KDM4C: variants seen among roughly 807,000 people sequenced by gnomAD.
KDM4C encodes the protein lysine demethylase 4C.
Under a neutral mutation model 129.3 loss-of-function variants are expected in KDM4C, and 81 were observed. The observed-to-expected ratio is 0.63, with a 90% confidence interval of 0.52 to 0.75. The LOEUF (loss-of-function observed/expected upper bound fraction) is 0.75. Among genes scored for constraint, KDM4C ranks in the 30% least tolerant of loss-of-function variants. KDM4C has a pLI of 0.00. For synonymous variants in KDM4C, 573 were observed against 456.1 expected (o/e 1.26, Z -3.26); for missense variants, 1,457 against 1,304.0 (o/e 1.12, Z -1.81).
chr9:6,834,436 A>T, intron 4 of KDM4C: 1 of 451,230 alleles, frequency 2.2e-6, no homozygotes, highest in Non-Finnish European at 4.3e-6. Flanking sequence ...CTGCCTGTCC[A>T]CACCCGCTAC....
chr9:6,849,399 G>A (rs1838416316), intron 4 of KDM4C, 108 bp from the exon 5 acceptor site: 8 of 842,576 alleles, frequency 9.5e-6, no homozygotes, highest in Non-Finnish European at 1.4e-5. Context: ...CAGTTAGTTA[G>A]AATATACAAT....
intron 8 of KDM4C, among the ~76,000 whole-genome samples, chr9:6,922,139 A>T (rs775459676): frequency 3.0e-4 from 46 of 152,232 alleles, no homozygotes; most frequent in Non-Finnish European, 6.6e-4. Context: ...ATGTATGATG[A>T]CAGAATGAAG....
At chr9:7,002,379 T>C (rs924175278) in intron 12 of KDM4C, among the ~76,000 whole-genome samples, 2 of 152,248 alleles carry the variant, frequency 1.3e-5, no homozygotes, top group African/African-American at 4.8e-5. Flanking sequence ...TGTTACGTTT[T>C]ATTAGTACAA....
Position 7,167,660 on chromosome 9 carries a change from G to A in KDM4C, c.2902-2138G>A, listed in dbSNP as rs772614562. On this transcript the variant is annotated intron_variant, in intron 20 of 21. Coordinates refer to ENST00000381309, the MANE Select transcript of KDM4C (RefSeq NM_015061.6). ...CTTATTCAAAATGCTAACAGTACGT[G>A]GATAATAATACGTTCAATTGTATGT... is the stretch of plus-strand genomic sequence containing the variant. Among the ~76,000 whole-genome samples, 19 of 152,300 alleles carry A rather than the reference G, an allele frequency of 1.2e-4. 1 individual carries two copies. Among genetic ancestry groups the A allele is most frequent in the Admixed American group, 2.0e-4 (3 of 15,302 alleles).
At chr9:6,893,474 C>T (rs10975876) in intron 8 of KDM4C, 4 of 305,892 alleles carry the variant, frequency 1.3e-5, no homozygotes, top group South Asian at 8.3e-5. Flanking sequence ...TAATTTGATG[C>T]GACGTGTGTT....
chr9:6,734,209 G>C lies in KDM4C; in HGVS notation c.49+13212G>C, dbSNP rs539003230. ...TTAAATGCAGCTGTCCCCAGAAAGA[G>C]ATTGATCTTTTCTAGGCTGCTACCT... On this transcript the variant is annotated intron_variant, in intron 1 of 17. Coordinates refer to the KDM4C transcript ENST00000536108. 2.7e-5 allele frequency among the ~76,000 whole-genome samples: 4 copies of C among 150,602 alleles called. No homozygotes were observed. In the East Asian group the frequency reaches 7.9e-4, roughly 30 times the overall value.
rs532414428 is a variant in KDM4C, at chr9:6,788,437, C to G, written c.-17-4535C>G. Among the ~76,000 whole-genome samples the G allele has an allele frequency of 2.8e-3, 434 of 152,292 alleles. 4 individuals carry two copies. Among genetic ancestry groups the G allele is most frequent in the African/African-American group, 9.9e-3 (411 of 41,558 alleles). ...TACCAAATGTTTCTACAAAGGTGAT[C>G]TGTGGGCTTCTACCCTGTTCTCACT... On this transcript the variant is annotated intron_variant, in intron 1 of 21. Coordinates refer to ENST00000381309, the MANE Select transcript of KDM4C (RefSeq NM_015061.6).
At chr9:6,824,286 C>T (rs924173234) in intron 4 of KDM4C, among the ~76,000 whole-genome samples, 1 of 152,204 alleles carries the variant, frequency 6.6e-6, no homozygotes, top group Non-Finnish European at 1.5e-5. Context: ...TATTCTCTAG[C>T]TCCAGTCTCT....
intron 12 of KDM4C, among the ~76,000 whole-genome samples, chr9:6,996,225 T>G (rs1223789019): frequency 2.0e-5 from 3 of 152,212 alleles, no homozygotes; most frequent in Admixed American, 1.3e-4. Context: ...AGCATTCTTA[T>G]CAGCAGCACT....
chr9:7,161,362 A>T (rs1843769618), intron 19 of KDM4C, among the ~76,000 whole-genome samples: 1 of 152,134 alleles, frequency 6.6e-6, no homozygotes, highest in Non-Finnish European at 1.5e-5. Flanking sequence ...TCCCAATGAG[A>T]TGAACCAGGT....
intron 8 of KDM4C, among the ~76,000 whole-genome samples, chr9:6,901,460 G>C (rs192651985): frequency 1.3e-5 from 2 of 152,322 alleles, no homozygotes; most frequent in East Asian, 3.9e-4. Context: ...CTGTCCTTCA[G>C]ATTCACTGTC....
chr9:7,130,996 T>G (rs1001846926), intron 19 of KDM4C, among the ~76,000 whole-genome samples: 1 of 151,750 alleles, frequency 6.6e-6, no homozygotes. Context: ...CTCAAACTCT[T>G]GGGCTCAAGT....
intron 2 of KDM4C, among the ~76,000 whole-genome samples, chr9:6,800,542 A>G (rs1051386050): frequency 5.3e-5 from 8 of 152,182 alleles, no homozygotes; most frequent in African/African-American, 1.9e-4. Flanking sequence ...CTCAAAAAAA[A>G]AGTTAAATAA....
At chr9:6,792,857 T>C (rs533720818) in intron 1 of KDM4C, 115 bp from the exon 2 acceptor site, 1 of 1,020,604 alleles carries the variant, frequency 9.8e-7, no homozygotes, top group South Asian at 1.5e-5. Context: ...TAGAAGGGAA[T>C]GGGAAGTGAC....
chr9:6,849,836 AG>A (rs1838512081), intron 5 of KDM4C, 136 bp downstream of exon 5: 2 of 676,962 alleles, frequency 3.0e-6, no homozygotes, highest in Middle Eastern at 4.0e-4. Flanking sequence ...TGACTGTAAT[AG>A]TTAATTGTCT....
chr9:6,825,732 C>G (rs150684138), intron 4 of KDM4C, among the ~76,000 whole-genome samples: 243 of 152,238 alleles, frequency 1.6e-3, no homozygotes, highest in African/African-American at 5.6e-3. Context: ...CTTTTGTTAT[C>G]TTCAGGTATT....
At chr9:6,757,921 C>T (rs1818537774), upstream of KDM4C, 1 of 985,298 alleles carries the variant, frequency 1.0e-6, no homozygotes, top group South Asian at 4.7e-5. Flanking sequence ...ACGTGACTCA[C>T]CAAGTGCGGG....
chr9:7,086,516 G>A (rs188756563), intron 17 of KDM4C, among the ~76,000 whole-genome samples: 17 of 152,236 alleles, frequency 1.1e-4, no homozygotes, highest in Admixed American at 9.2e-4. Context: ...TAAGAGAGAC[G>A]CCCACCCTCA....
chr9:6,796,732 G>A (rs1479915404), intron 2 of KDM4C, among the ~76,000 whole-genome samples: 1 of 152,176 alleles, frequency 6.6e-6, no homozygotes, highest in African/African-American at 2.4e-5. Flanking sequence ...ACTCAATCCT[G>A]TGATAATTTC....
Sources: gnomAD v4.1 joint callset for allele counts (sites outside exome capture counted in the v4.1 genomes callset) on GRCh38, gnomAD v4.1.1 for gene constraint, MANE v1.5 for transcripts, NCBI Gene and HGNC (gene_info 2026-07-23, HGNC 2026-07-21) for gene names.